PRDM11: variants seen among roughly 807,000 people sequenced by gnomAD.
PRDM11 encodes PR/SET domain 11.
In PRDM11, 20 loss-of-function variants were observed where a neutral mutation model predicts 97.8. The observed-to-expected ratio is 0.20, with a 90% CI of 0.14 to 0.30. The LOEUF is 0.30. Among genes scored for constraint, PRDM11 ranks in the 10% least tolerant of loss-of-function variants. PRDM11 has a pLI of 1.00. For missense variants in PRDM11, 1,139 were observed against 1,555.2 expected (o/e 0.73, Z 4.50); for synonymous variants, 599 against 637.7 (o/e 0.94, Z 0.91).
chr11:45,141,725 G>A (rs554159735), upstream of PRDM11, among the ~76,000 whole-genome samples: 15 of 152,128 alleles, frequency 9.9e-5, no homozygotes, highest in Non-Finnish European at 2.1e-4. Context: ...TGACATTACT[G>A]CTCCTGAGAA....
At chr11:45,134,729 A>G (rs1852800411) in intron 1 of PRDM11, among the ~76,000 whole-genome samples, 1 of 145,864 alleles carries the variant, frequency 6.9e-6, no homozygotes, top group African/African-American at 2.5e-5. Flanking sequence ...AAAAAAAAGA[A>G]TAGTATTTCA....
intron 1 of PRDM11, among the ~76,000 whole-genome samples, chr11:45,136,560 C>T (rs1296515994): frequency 1.3e-5 from 2 of 152,168 alleles, no homozygotes; most frequent in African/African-American, 2.4e-5. Flanking sequence ...GGCACTGGAA[C>T]ACAGAAAGCC....
chr11:45,225,233 C>T, intron 7 of PRDM11: 2 of 836,452 alleles, frequency 2.4e-6, no homozygotes, highest in Non-Finnish European at 3.1e-6. Context: ...GCTTCCCTAA[C>T]TTAGTCCAGG....
chr11:45,158,962 T>A (rs1033482596), intron 1 of PRDM11, among the ~76,000 whole-genome samples: 11 of 152,322 alleles, frequency 7.2e-5, no homozygotes, highest in African/African-American at 2.6e-4. Flanking sequence ...TCCCGGGGAC[T>A]GTGCTCCGCC....
intron 1 of PRDM11, among the ~76,000 whole-genome samples, chr11:45,103,735 A>T (rs1292155198): frequency 6.7e-6 from 1 of 148,222 alleles, no homozygotes; most frequent in East Asian, 1.9e-4. Flanking sequence ...TACTATATAT[A>T]GTATATATAA....
In PRDM11 at chr11:45,147,059, G is replaced by A. The variant is rs541634130; in HGVS notation, c.-7+182G>A. Among the ~76,000 whole-genome samples, 286 of 146,582 alleles carry A rather than the reference G, an allele frequency of 2.0e-3. 2 individuals are homozygous for A. Among genetic ancestry groups the A allele is most frequent in the Non-Finnish European group, 2.2e-3 (145 of 65,950 alleles). ...TCCGGACGGCGCCGGCGCGGGGTGG[G>A]GGGCGGCCCGCCGTGGCCGCGAGGT... On this transcript the variant is annotated intron_variant, in intron 1 of 7. Coordinates refer to ENST00000683152, the MANE Select transcript of PRDM11 (RefSeq NM_001384648.1).
chr11:45,160,987 T>G (rs1197395137), intron 1 of PRDM11, among the ~76,000 whole-genome samples: 1 of 152,174 alleles, frequency 6.6e-6, no homozygotes, highest in Admixed American at 6.5e-5. Context: ...GTGACGTCTC[T>G]CTTGGGCAGC....
chr11:45,202,009 A>G (rs1853347402), intron 4 of PRDM11, among the ~76,000 whole-genome samples: 1 of 152,036 alleles, frequency 6.6e-6, no homozygotes, highest in African/African-American at 2.4e-5. Flanking sequence ...GGGTCTCGCT[A>G]TGTTGCCCAG....
At chr11:45,119,619 C>CAAAAAAAAAAAAAAAAA (rs56367204) in intron 1 of PRDM11, among the ~76,000 whole-genome samples, 4 of 43,048 alleles carry the variant, frequency 9.3e-5, no homozygotes, top group African/African-American at 4.0e-4. Flanking sequence ...GATTCTGTCT[C>CAAAAAAAAAAAAAAAAA]AAAAAAAAAA....
At position 45,119,945 on chromosome 11, in the gene PRDM11, A is replaced by G. The variant is rs370824038; in HGVS notation, c.96+24044A>G. Among the ~76,000 whole-genome samples the G allele has an allele frequency of 3.3e-5, 5 of 152,326 alleles. No homozygotes were observed. In the South Asian group the frequency reaches 8.3e-4, roughly 25 times the overall value. On this transcript the variant is annotated intron_variant, in intron 1 of 6. Coordinates refer to the PRDM11 transcript ENST00000530656. ...CCAGTTACTGGAGTTAGCAGTAAGG[A>G]CATAAAAACAGCCATGATCAGCATG... is the stretch of plus-strand genomic sequence containing the variant.
At chr11:45,198,808 A>C (rs1853222534) in intron 4 of PRDM11, among the ~76,000 whole-genome samples, 1 of 152,160 alleles carries the variant, frequency 6.6e-6, no homozygotes, top group Non-Finnish European at 1.5e-5. Flanking sequence ...CATTAGGAAA[A>C]TCTTGGGGCT....
chr11:45,175,780 G>A (rs559739376), intron 1 of PRDM11, among the ~76,000 whole-genome samples: 1 of 152,266 alleles, frequency 6.6e-6, no homozygotes, highest in South Asian at 2.1e-4. Context: ...ACTCCAACCA[G>A]TGGGATATGA....
intron 1 of PRDM11, among the ~76,000 whole-genome samples, chr11:45,139,475 G>A (rs750667238): frequency 1.3e-5 from 2 of 149,504 alleles, no homozygotes; most frequent in Non-Finnish European, 2.9e-5. Flanking sequence ...GCTGAGGCAG[G>A]AGAATCGTTT....
chr11:45,182,401 C>T (rs1852542263), intron 3 of PRDM11, 52 bp downstream of exon 3: 2 of 1,508,230 alleles, frequency 1.3e-6, no homozygotes, highest in South Asian at 1.1e-5. Flanking sequence ...CCCATCGCCC[C>T]ATTCCTGGCT....
At chr11:45,182,801 C>T in intron 3 of PRDM11, 60 bp from the exon 4 acceptor site, 2 of 1,508,304 alleles carry the variant, frequency 1.3e-6, no homozygotes, top group Non-Finnish European at 1.8e-6. Context: ...CTACCTCCCC[C>T]ATGGGGGTCT....
At chr11:45,200,646 A>C (rs1308873544) in intron 4 of PRDM11, among the ~76,000 whole-genome samples, 1 of 152,158 alleles carries the variant, frequency 6.6e-6, no homozygotes, top group Non-Finnish European at 1.5e-5. Context: ...TTCCCCCAGG[A>C]GACAGGGGAG....
In PRDM11 at chr11:45,119,606, C is replaced by T. The variant is rs113066447; in HGVS notation, c.96+23705C>T. Among the ~76,000 whole-genome samples, 596 of 108,178 alleles carry T rather than the reference C, an allele frequency of 5.5e-3. 2 individuals carry two copies. Among genetic ancestry groups the T allele is most frequent in the Admixed American group, 9.1e-3 (65 of 7,158 alleles). The allele number at this position is 108,178 out of a possible 152,430, so 71.0% of individuals were successfully genotyped here. On this transcript the variant is annotated intron_variant, in intron 1 of 6. Transcript: ENST00000530656. Reference sequence around the variant, plus strand: ...CACTGCACTCCAACCTGGGTGACAGCGAGATTCTGTCTCAAAAAAAAAAAA... The same window carrying T: ...CACTGCACTCCAACCTGGGTGACAGTGAGATTCTGTCTCAAAAAAAAAAAA...
At chr11:45,145,866 C>T (rs566325088), upstream of PRDM11, among the ~76,000 whole-genome samples, 60 of 152,280 alleles carry the variant, frequency 3.9e-4, no homozygotes, top group African/African-American at 1.4e-3. Context: ...CAATTCCACC[C>T]CCGGCCCAGT....
At chr11:45,225,747 G>A (rs776220645) in intron 7 of PRDM11, among the ~76,000 whole-genome samples, 5 of 152,192 alleles carry the variant, frequency 3.3e-5, no homozygotes, top group Non-Finnish European at 7.3e-5. Flanking sequence ...GAGGGCAAGG[G>A]CAGGCAGCCT....
Sources: allele counts gnomAD v4.1 joint callset (sites outside exome capture counted in the v4.1 genomes callset), GRCh38; gene constraint gnomAD v4.1.1; transcripts MANE v1.5; gene names NCBI Gene and HGNC (gene_info 2026-07-23, HGNC 2026-07-21).